The following FMR1NB variants were observed in gnomAD, a reference collection of about 807,000 sequenced individuals.
FMR1NB encodes FMR1 neighbor.
Under a neutral mutation model 16.8 loss-of-function variants are expected in FMR1NB, and 10 were observed. That is an observed-to-expected ratio of 0.60 (90% CI 0.37 to 1.01). The LOEUF (loss-of-function observed/expected upper bound fraction) is 1.01, where lower values mean the gene tolerates loss of function less well. FMR1NB is among the 50% of genes least tolerant of loss of function. FMR1NB has a pLI of 0.01. For synonymous variants in FMR1NB, 83 were observed against 79.1 expected, an observed-to-expected ratio of 1.05 and a Z score of -0.26; for missense variants, 205 against 204.8, an observed-to-expected ratio of 1.00 and a Z score of 0.00.
At chrX:148,026,006 C>T (rs1297722424) in intron 5 of FMR1NB, 2 of 110,088 alleles carry the variant, frequency 1.8e-5, no homozygotes, top group Non-Finnish European at 3.8e-5. Flanking sequence ...AGTGATTTAT[C>T]TCAGAAGAAA....
At chrX:148,001,106 C>T (rs1557188618) in intron 1 of FMR1NB, among the ~76,000 whole-genome samples, 3 of 111,793 alleles carry the variant, frequency 2.7e-5, no homozygotes, top group Non-Finnish European at 5.6e-5. Flanking sequence ...GTTCACAAAA[C>T]AACAAAATAT....
chrX:148,003,573 T>C (rs782113740), intron 2 of FMR1NB, among the ~76,000 whole-genome samples: 9 of 112,319 alleles, frequency 8.0e-5, no homozygotes, highest in African/African-American at 9.7e-5. Context: ...TCATAAATGT[T>C]TGTTACTGTT....
chrX:148,006,290 G>T (rs1319067152), intron 2 of FMR1NB, among the ~76,000 whole-genome samples: 1 of 112,155 alleles, frequency 8.9e-6, no homozygotes, highest in Non-Finnish European at 1.9e-5. Context: ...AGCAAACTAT[G>T]TAATTTTTAC....
At chrX:147,983,167 G>T (rs1455918068) in intron 1 of FMR1NB, among the ~76,000 whole-genome samples, 1 of 111,459 alleles carries the variant, frequency 9.0e-6, no homozygotes, top group African/African-American at 3.3e-5. Context: ...GAAATTTACC[G>T]AATTTGGGTT....
At chrX:147,983,537 A>G (rs1015347528) in intron 1 of FMR1NB, among the ~76,000 whole-genome samples, 1 of 112,019 alleles carries the variant, frequency 8.9e-6, no homozygotes, top group Non-Finnish European at 1.9e-5. Flanking sequence ...ACATCTTTGG[A>G]GAAATGTCTT....
At chrX:148,014,758 C>T (rs1557189970) in intron 4 of FMR1NB, among the ~76,000 whole-genome samples, 1 of 111,429 alleles carries the variant, frequency 9.0e-6, no homozygotes, top group African/African-American at 3.3e-5. Context: ...AATCCTCCCA[C>T]CTCAGCCTCC....
intron 1 of FMR1NB, among the ~76,000 whole-genome samples, chrX:147,982,627 G>A (rs374801040): frequency 0.012 from 1,211 of 101,333 alleles, 22 homozygotes; most frequent in African/African-American, 0.042. Context: ...GGCGCGGTGG[G>A]TCATGCCTGT....
At chrX:148,011,120 C>T (rs1388160369) in intron 4 of FMR1NB, among the ~76,000 whole-genome samples, 4 of 110,504 alleles carry the variant, frequency 3.6e-5, no homozygotes, top group East Asian at 2.9e-4. Flanking sequence ...AAAAATTAGC[C>T]GGGCATGGTG....
At chrX:148,025,482 G>A (rs1158154307) in intron 5 of FMR1NB, among the ~76,000 whole-genome samples, 1 of 111,749 alleles carries the variant, frequency 8.9e-6, no homozygotes, top group Non-Finnish European at 1.9e-5. Flanking sequence ...TGTTAGAAGA[G>A]GTTGAGAGAG....
intron 1 of FMR1NB, among the ~76,000 whole-genome samples, chrX:147,993,359 C>T (rs1432760150): frequency 2.7e-5 from 3 of 110,215 alleles, no homozygotes; most frequent in Non-Finnish European, 3.8e-5. Context: ...GGCAGCAGTA[C>T]AGTCCAGCTT....
chrX:147,986,002 A>G (rs2084520773), intron 1 of FMR1NB, among the ~76,000 whole-genome samples: 1 of 112,316 alleles, frequency 8.9e-6, no homozygotes, highest in Admixed American at 9.4e-5. Context: ...CATTTTAATG[A>G]TTGCCATTCT....
chrX:148,023,363 G>T lies in FMR1NB; in HGVS notation c.633-1502G>T, dbSNP rs185540156. Among the ~76,000 whole-genome samples the T allele has an allele frequency of 2.0e-3, 229 of 111,886 alleles. 1 individual carries two copies. The highest frequency in any genetic ancestry group is 7.4e-3 in the African/African-American group (227 of 30,826). ...GACATTTTTTTGATTAATTGGGAAAGAATTTGTTTCTTTGCCCCACATTTG... is the reference window on the plus strand; with the variant it reads ...GACATTTTTTTGATTAATTGGGAAATAATTTGTTTCTTTGCCCCACATTTG... On this transcript the variant is annotated intron_variant, in intron 4 of 5. Transcript: ENST00000370467.
Position 147,981,672 on chromosome X carries a change from G to A in FMR1NB, c.270G>A (p.Leu90=), listed in dbSNP as rs200845775. The A allele has an allele frequency of 5.9e-6, 7 of 1,189,848 alleles. No homozygotes were observed. The Admixed American group carries it at 1.6e-4, about 27-fold the overall frequency. ...TGTGCTACTACCTGTCCTACTACCT[G>A]TGCTCCGGTGAGTGCTGGCTCAGGC... ...LFVCYYLSYY[L]CSGSSYFVLA... Residue 90 remains leucine, a synonymous_variant, in exon 1 of 6, where the codon CTG becomes CTA. Transcript: ENST00000370467.
intron 2 of FMR1NB, 123 bp downstream of exon 2, chrX:148,003,443 G>A: frequency 1.3e-6 from 1 of 766,961 alleles, no homozygotes; most frequent in Non-Finnish European, 1.8e-6. Flanking sequence ...TTGAATCCTG[G>A]CTCTGCTCTT....
chrX:148,021,896 CTT>C (rs782136639), intron 4 of FMR1NB, among the ~76,000 whole-genome samples: 13 of 98,937 alleles, frequency 1.3e-4, no homozygotes, highest in African/African-American at 1.5e-4. Context: ...ACATCATCTG[CTT>C]TTTTTTTTTT....
chrX:148,012,546 G>A (rs781968780), intron 4 of FMR1NB, among the ~76,000 whole-genome samples: 2 of 111,535 alleles, frequency 1.8e-5, no homozygotes, highest in Admixed American at 9.5e-5. Flanking sequence ...CTAATAAAAT[G>A]TCTATTTTTT....
intron 4 of FMR1NB, among the ~76,000 whole-genome samples, chrX:148,012,796 A>G (rs949427213): frequency 8.9e-6 from 1 of 111,821 alleles, no homozygotes; most frequent in Admixed American, 9.5e-5. Flanking sequence ...CTGCCTAAAA[A>G]TCATCACCCT....
chrX:147,994,227 C>T, intron 1 of FMR1NB, among the ~76,000 whole-genome samples: 1 of 111,468 alleles, frequency 9.0e-6, no homozygotes, highest in South Asian at 3.7e-4. Flanking sequence ...CCAAGGTCCA[C>T]CCACAGTCAA....
chrX:148,008,950 C>T (rs1171138786), intron 4 of FMR1NB, among the ~76,000 whole-genome samples: 2 of 110,801 alleles, frequency 1.8e-5, no homozygotes, highest in Non-Finnish European at 3.8e-5. Flanking sequence ...GAGGCCGAGG[C>T]GGGTGGATCA....
Sources: gnomAD v4.1 joint callset for allele counts (sites outside exome capture counted in the v4.1 genomes callset) on GRCh38, gnomAD v4.1.1 for gene constraint, MANE v1.5 for transcripts, NCBI Gene and HGNC (gene_info 2026-07-23, HGNC 2026-07-21) for gene names.